The following AGBL1 variants were observed in gnomAD, a reference collection of about 807,000 sequenced individuals.
The protein encoded by AGBL1 is cytosolic carboxypeptidase 4.
Under a neutral mutation model 118.9 loss-of-function variants are expected in AGBL1, and 130 were observed. The ratio of observed to expected loss-of-function variants is 1.09; its 90% CI spans 0.95 to 1.26. The LOEUF is 1.26. Ranked by LOEUF, AGBL1 falls within the 50% of genes most tolerant of loss-of-function variation. The pLI is 0.00. For missense variants in AGBL1, 1,584 were observed against 1,298.1 expected, an observed-to-expected ratio of 1.22 and a Z score of -3.38; for synonymous variants, 555 against 478.9, an observed-to-expected ratio of 1.16 and a Z score of -2.08.
chr15:86,576,096 C>T (rs2084087878), intron 21 of AGBL1, among the ~76,000 whole-genome samples: 1 of 152,152 alleles, frequency 6.6e-6, no homozygotes, highest in Non-Finnish European at 1.5e-5. Flanking sequence ...TTTACATGGA[C>T]TTTAGCATTT....
intron 22 of AGBL1, among the ~76,000 whole-genome samples, chr15:86,823,669 A>G (rs957035190): frequency 6.6e-6 from 1 of 152,200 alleles, no homozygotes; most frequent in Non-Finnish European, 1.5e-5. Flanking sequence ...TAAGTAGGTA[A>G]GATTGGGATA....
intron 22 of AGBL1, among the ~76,000 whole-genome samples, chr15:86,741,381 CAAAAAAAAAAAAAAAAAAAAAAAAA>C (rs570193876): frequency 6.6e-4 from 20 of 30,520 alleles, no homozygotes; most frequent in Admixed American, 1.2e-3. Flanking sequence ...TAAGGCAAAG[CAAAAAAAAAAAAAAAAAAAAAAAAA>C]AAAAAAAAAA....
At chr15:86,506,497 G>C (rs2082979382) in intron 18 of AGBL1, among the ~76,000 whole-genome samples, 1 of 151,976 alleles carries the variant, frequency 6.6e-6, no homozygotes, top group African/African-American at 2.4e-5. Context: ...GTCAAATAAG[G>C]ACCAGTGCTG....
intron 4 of AGBL1, among the ~76,000 whole-genome samples, chr15:86,156,756 C>A (rs557655396): frequency 1.2e-4 from 18 of 150,258 alleles, no homozygotes; most frequent in Non-Finnish European, 2.5e-4. Context: ...TACTAAAATG[C>A]CTGATTTTTT....
chr15:86,552,659 C>T (rs2083680171), intron 20 of AGBL1, among the ~76,000 whole-genome samples: 1 of 152,074 alleles, frequency 6.6e-6, no homozygotes, highest in Admixed American at 6.5e-5. Flanking sequence ...AACTTCTAGG[C>T]TTCTGGGGAG....
At chr15:86,156,688 A>G (rs1482244838) in intron 4 of AGBL1, among the ~76,000 whole-genome samples, 1 of 152,096 alleles carries the variant, frequency 6.6e-6, no homozygotes, top group African/African-American at 2.4e-5. Context: ...AAATAGTAGA[A>G]TGAGTACAGA....
intron 15 of AGBL1, 87 bp from the exon 16 acceptor site, chr15:86,279,552 G>T: frequency 7.5e-7 from 1 of 1,338,794 alleles, no homozygotes; most frequent in Non-Finnish European, 1.0e-6. Flanking sequence ...TAACGCACAA[G>T]ATTTATAGCA....
chr15:86,125,328 G>T (rs754938825), intron 1 of AGBL1, among the ~76,000 whole-genome samples: 1 of 152,014 alleles, frequency 6.6e-6, no homozygotes, highest in Non-Finnish European at 1.5e-5. Flanking sequence ...GAAGCCTTTC[G>T]TGACTAGACT....
intron 1 of AGBL1, among the ~76,000 whole-genome samples, chr15:86,129,714 G>A (rs775718764): frequency 2.0e-5 from 3 of 151,984 alleles, no homozygotes; most frequent in South Asian, 4.2e-4. Flanking sequence ...TATATGGGAC[G>A]GCTCCCTCTT....
chr15:86,390,659 G>GTTTTT (rs1596055668), intron 17 of AGBL1, among the ~76,000 whole-genome samples: 1 of 82,048 alleles, frequency 1.2e-5, no homozygotes, highest in Admixed American at 1.3e-4. Flanking sequence ...TATACTGTAT[G>GTTTTT]ATTTTTTTTT....
intron 17 of AGBL1, among the ~76,000 whole-genome samples, chr15:86,329,242 A>G (rs2080234531): frequency 6.6e-6 from 1 of 152,106 alleles, no homozygotes; most frequent in Non-Finnish European, 1.5e-5. Context: ...GCAGAAATCC[A>G]GGCATTCAGG....
At chr15:86,950,862 T>C (rs2080873627) in intron 23 of AGBL1, among the ~76,000 whole-genome samples, 1 of 151,774 alleles carries the variant, frequency 6.6e-6, no homozygotes, top group African/African-American at 2.4e-5. Flanking sequence ...TAAGTAAAAA[T>C]AACAATGCAA....
At chr15:86,666,806 AC>A (rs1171294158) in intron 21 of AGBL1, among the ~76,000 whole-genome samples, 1 of 152,234 alleles carries the variant, frequency 6.6e-6, no homozygotes, top group East Asian at 1.9e-4. Context: ...TATTTCCATT[AC>A]ATAGATGAGA....
Position 86,785,523 on chromosome 15 carries a change from CATCA to C in AGBL1, c.3158+111088_3158+111091del, listed in dbSNP as rs2078399041. Among the ~76,000 whole-genome samples the C allele has an allele frequency of 1.3e-5, 2 of 151,772 alleles. 1 individual carries two copies. Among genetic ancestry groups the C allele is most frequent in the Admixed American group, 1.3e-4 (2 of 15,226 alleles). On this transcript the variant is annotated intron_variant, in intron 22 of 22. Coordinates refer to ENST00000614907, the MANE Select transcript of AGBL1 (RefSeq NM_001386094.1). ...CCAAGTAGCTAGGACTACAGGCGCA[CATCA>C]CCACTAATTTTTGTATTTTTAGTAG... is the stretch of plus-strand genomic sequence containing the variant.
intron 24 of AGBL1, among the ~76,000 whole-genome samples, chr15:86,998,223 C>A (rs1440686596): frequency 6.6e-6 from 1 of 152,240 alleles, no homozygotes; most frequent in Non-Finnish European, 1.5e-5. Flanking sequence ...GATAGGATAC[C>A]ACTTCAGTGA....
chr15:86,773,681 C>T (rs1156389346), intron 22 of AGBL1, among the ~76,000 whole-genome samples: 1 of 151,906 alleles, frequency 6.6e-6, no homozygotes, highest in Non-Finnish European at 1.5e-5. Context: ...ATACAATTAG[C>T]CTTCATGCAC....
At chr15:86,853,198 C>T (rs1423000192) in intron 22 of AGBL1, among the ~76,000 whole-genome samples, 1 of 152,160 alleles carries the variant, frequency 6.6e-6, no homozygotes, top group Non-Finnish European at 1.5e-5. Flanking sequence ...TTTATTTCTC[C>T]TTGGTATGCC....
chr15:86,219,255 T>G (rs2078240003), intron 5 of AGBL1, among the ~76,000 whole-genome samples: 1 of 152,310 alleles, frequency 6.6e-6, no homozygotes, highest in South Asian at 2.1e-4. Context: ...CCACCTTCCA[T>G]GATCCAAGAA....
chr15:86,793,878 T>C (rs1361307807), intron 22 of AGBL1, among the ~76,000 whole-genome samples: 1 of 152,030 alleles, frequency 6.6e-6, no homozygotes, highest in South Asian at 2.1e-4. Context: ...ATTAGAGAAA[T>C]GCAAATTAAA....
Sources: gnomAD v4.1 joint callset for allele counts (sites outside exome capture counted in the v4.1 genomes callset) on GRCh38, gnomAD v4.1.1 for gene constraint, MANE v1.5 for transcripts, NCBI Gene and HGNC (gene_info 2026-07-23, HGNC 2026-07-21) for gene names.